ARHGEF10L: variants seen among roughly 807,000 people sequenced by gnomAD.
ARHGEF10L encodes Rho guanine nucleotide exchange factor 10 like, also known as rho guanine nucleotide exchange factor 10-like protein.
In ARHGEF10L, 69 loss-of-function variants were observed where a neutral mutation model predicts 141.2. The ratio of observed to expected loss-of-function variants is 0.49; its 90% CI spans 0.40 to 0.60. ARHGEF10L has a LOEUF of 0.60. Among genes scored for constraint, ARHGEF10L ranks in the 20% least tolerant of loss-of-function variants. The pLI is 0.00. For synonymous variants in ARHGEF10L, 711 were observed against 718.5 expected (o/e 0.99, Z 0.17); for missense variants, 1,482 against 1,734.3 (o/e 0.85, Z 2.58).
intron 21 of ARHGEF10L, among the ~76,000 whole-genome samples, chr1:17,643,561 T>C (rs1267527786): frequency 6.6e-6 from 1 of 152,148 alleles, no homozygotes; most frequent in African/African-American, 2.4e-5. Flanking sequence ...TAAGGGGTGG[T>C]CCTCAGCACC....
chr1:17,697,026 C>T lies in ARHGEF10L; in HGVS notation c.3486C>T (p.Gly1162=). Residue 1162 remains glycine, a synonymous_variant, in exon 29 of 29, where the codon GGC becomes GGT. Transcript: ENST00000361221. This position sits in a 1 kb window ranked among gnomAD's most constrained non-coding sequence, Gnocchi z 4.8. ...AGCCCATGCCCGATAGCCACGTGGG[C>T]CGAGAGCTGACCCGCAAGAAGGGCA... The part of the protein sequence containing the change: ...AHEPMPDSHV[G]RELTRKKGIL... 1 of 1,606,656 alleles carries T rather than the reference C, an allele frequency of 6.2e-7. No individual in the cohort carries two copies.
rs2061189551 is a variant in ARHGEF10L, at chr1:17,639,213, G to A, written c.2171+524G>A. ...TGGTCCTCCTGAGGCTTTGTAAGTTGGGTCTTTTTATTTCCATTTTACAGA... is the reference window on the plus strand; with the variant it reads ...TGGTCCTCCTGAGGCTTTGTAAGTTAGGTCTTTTTATTTCCATTTTACAGA... On this transcript the variant is annotated intron_variant, in intron 20 of 28. Transcript: ENST00000361221. This position sits in a 1 kb window ranked among gnomAD's most constrained non-coding sequence, Gnocchi z 4.3. Among the ~76,000 whole-genome samples the A allele has an allele frequency of 6.6e-6, 1 of 152,210 alleles. No homozygotes were observed. The highest frequency in any genetic ancestry group is 1.5e-5 in the Non-Finnish European group (1 of 68,036).
chr1:17,697,063 T>A lies in ARHGEF10L; in HGVS notation c.3523T>A (p.Tyr1175Asn), dbSNP rs1246674415. ...LTRKKGILLQ[Y>N]RLRSTAHLPG... ...CCGCAAGAAGGGCATCCTCTTGCAG[T>A]ACCGCCTGCGCTCCACCGCACACCT... The change falls in exon 29 of 29, where the codon TAC (tyrosine) becomes AAC (asparagine). Residue 1175 changes from tyrosine to asparagine, a missense_variant. Physicochemically the swap from Tyr to Asn is moderately radical, Grantham distance 143. Around this residue, in one of 3 missense-constraint regions of ARHGEF10L, gnomAD observed 858 missense variants for 966.3 expected, o/e 0.89. Transcript: ENST00000361221. The surrounding 1 kb of genome is among the most constrained non-coding windows in gnomAD (Gnocchi z 4.8). 6.2e-7 allele frequency: 1 copy of A among 1,604,460 alleles called. No homozygotes were observed. The highest frequency in any genetic ancestry group is 1.7e-5 in the Admixed American group (1 of 59,558).
At position 17,648,584 on chromosome 1, in the gene ARHGEF10L, C is replaced by T. The variant is rs769362964; in HGVS notation, c.2303C>T (p.Pro768Leu). 2.2e-5 allele frequency: 36 copies of T among 1,613,642 alleles called. No homozygotes were observed. Among genetic ancestry groups the T allele is most frequent in the Admixed American group, 8.3e-5 (5 of 60,004 alleles). The change falls in exon 22 of 29, where the codon CCG (proline) becomes CTG (leucine). Residue 768 changes from proline (P) to leucine (L), a missense_variant. Physicochemically the swap from Pro to Leu is moderately conservative, Grantham distance 98 (BLOSUM62 -3). This residue lies in a region of ARHGEF10L where 858 missense variants were observed against 966.3 expected (regional missense o/e 0.89). Coordinates refer to ENST00000361221, the MANE Select transcript of ARHGEF10L (RefSeq NM_018125.4). ...REENQPGWLC[P>L]DEDKKSKAPF... ...GAGAACCAGCCAGGCTGGCTATGCC[C>T]GGATGAGGACAAGAAGAGCAAAGCC...
At chr1:17,599,570 G>A (rs1237659121) in intron 4 of ARHGEF10L, among the ~76,000 whole-genome samples, 1 of 152,194 alleles carries the variant, frequency 6.6e-6, no homozygotes, top group Non-Finnish European at 1.5e-5. Flanking sequence ...GGATGTTTCT[G>A]TGTTGAGGAG....
rs963704863 is a variant in ARHGEF10L at position 17,656,034 on chromosome 1, G to T, written c.2637G>T (p.Glu879Asp). The change falls in exon 24 of 29, where the codon GAG becomes GAT. Residue 879 changes from glutamate (E) to aspartate (D), a missense_variant. Glu to Asp is a conservative substitution (Grantham distance 45). Coordinates refer to ENST00000361221, the MANE Select transcript of ARHGEF10L (RefSeq NM_018125.4). The surrounding 1 kb of genome is among the most constrained non-coding windows in gnomAD (Gnocchi z 4.9). ...AGGAGGAGGCGGAGAGCAGAGACGAGAGCCCGACAGTTGCTGACCCCTCGG... is the reference window on the plus strand; with the variant it reads ...AGGAGGAGGCGGAGAGCAGAGACGATAGCCCGACAGTTGCTGACCCCTCGG... Reference protein sequence around the residue: ...ELEEEAESRDESPTVADPSAT... With the variant: ...ELEEEAESRDDSPTVADPSAT... 2.5e-6 allele frequency: 4 copies of T among 1,571,100 alleles called. No individual in the cohort carries two copies. Among genetic ancestry groups the T allele is most frequent in the African/African-American group, 2.7e-5 (2 of 74,102 alleles).
Position 17,695,156 on chromosome 1 carries a change from A to G in ARHGEF10L, c.3185-2A>G. On this transcript the variant is annotated splice_acceptor_variant, in intron 27 of 28. Transcript: ENST00000361221. LOFTEE classifies it high-confidence loss of function. ...CTGCTCAGCCGCCCTCTCTTTCTGC[A>G]GGCCAGAAGCACTTGTGTGTCACCA... is the stretch of plus-strand genomic sequence containing the variant. 6.2e-7 allele frequency: 1 copy of G among 1,612,734 alleles called. No homozygotes were observed. The highest frequency in any genetic ancestry group is 8.5e-7 in the Non-Finnish European group (1 of 1,179,974).
chr1:17,639,929 G>A lies in ARHGEF10L; in HGVS notation c.2172-273G>A. 6 of 1,468,744 alleles carry A rather than the reference G, an allele frequency of 4.1e-6. No homozygotes were observed. The highest frequency in any genetic ancestry group is 5.4e-6 in the Non-Finnish European group (6 of 1,104,160). The allele number at this position is 1,468,744 out of a possible 1,614,324, so 91.0% of individuals were successfully genotyped here. A position where few individuals can be genotyped will look rare whatever the true frequency, so the allele number is the denominator to read the frequency against. Reference sequence around the variant, plus strand: ...CTGCAGAGGCTCTGCCGGGCACAAAGCCAGAGGCTCCTGGAGCCAGGCTGG... The same window carrying A: ...CTGCAGAGGCTCTGCCGGGCACAAAACCAGAGGCTCCTGGAGCCAGGCTGG... On this transcript the variant is annotated intron_variant, in intron 20 of 28. Transcript: ENST00000361221. This position sits in a 1 kb window ranked among gnomAD's most constrained non-coding sequence, Gnocchi z 4.3.
In ARHGEF10L at chr1:17,613,094, G is replaced by A. The variant is rs780508220; in HGVS notation, c.646G>A (p.Ala216Thr). 9.3e-6 allele frequency: 15 copies of A among 1,614,016 alleles called. No individual in the cohort carries two copies. Among genetic ancestry groups the A allele is most frequent in the South Asian group, 2.2e-5 (2 of 91,042 alleles). The change falls in exon 8 of 29, where the codon GCC becomes ACC. Residue 216 changes from alanine to threonine, a missense_variant. Ala to Thr is a moderately conservative substitution (Grantham distance 58, BLOSUM62 0). Around this residue, in one of 3 missense-constraint regions of ARHGEF10L, gnomAD observed 392 missense variants for 542.1 expected, o/e 0.72. Coordinates refer to ENST00000361221, the MANE Select transcript of ARHGEF10L (RefSeq NM_018125.4). The part of the protein sequence containing the change: ...PDLTRLKERY[A>T]RTKRDILALR... ...CCTGACTAGGCTAAAGGAGAGATACGCCAGGACTAAGAGAGACATCTTGGC... is the reference window on the plus strand; with the variant it reads ...CCTGACTAGGCTAAAGGAGAGATACACCAGGACTAAGAGAGACATCTTGGC...
intron 4 of ARHGEF10L, among the ~76,000 whole-genome samples, chr1:17,588,899 TA>T (rs760392764): frequency 7.5e-3 from 224 of 29,900 alleles, no homozygotes; most frequent in Admixed American, 0.012. Flanking sequence ...TGTGTGTGTG[TA>T]GTGGGGGAGG....
the ARHGEF10L span, among the ~76,000 whole-genome samples, chr1:17,532,681 G>A: frequency 2.0e-5 from 3 of 148,542 alleles, no homozygotes; most frequent in Non-Finnish European, 4.4e-5. Context: ...TGCAACCTCC[G>A]TCATCCAGGT....
At chr1:17,541,972 CAAA>C (rs1206660604) in intron 1 of ARHGEF10L, among the ~76,000 whole-genome samples, 1 of 150,788 alleles carries the variant, frequency 6.6e-6, no homozygotes, top group Non-Finnish European at 1.5e-5. Context: ...CATTTCAAAA[CAAA>C]AACGAAAACA....
At chr1:17,591,704 G>A (rs1486897256) in intron 4 of ARHGEF10L, among the ~76,000 whole-genome samples, 1 of 151,856 alleles carries the variant, frequency 6.6e-6, no homozygotes, top group Non-Finnish European at 1.5e-5. Flanking sequence ...GAGCCACCGC[G>A]CCTGGCCTAA....
Position 17,654,735 on chromosome 1 carries a change from C to A in ARHGEF10L, c.2481+13C>A, listed in dbSNP as rs756613290. 27 of 1,612,308 alleles carry A rather than the reference C, an allele frequency of 1.7e-5. No individual in the cohort carries two copies. The highest frequency in any genetic ancestry group is 2.3e-5 in the Non-Finnish European group (27 of 1,178,754). On this transcript the variant is annotated intron_variant, in intron 23 of 28. Coordinates refer to ENST00000361221, the MANE Select transcript of ARHGEF10L (RefSeq NM_018125.4). The surrounding 1 kb of genome is among the most constrained non-coding windows in gnomAD (Gnocchi z 4.3). The stretch of plus-strand genomic sequence containing the variant: ...GGGCTACCTCTGGGTGAGTCACCCC[C>A]CTGCCCAGCTGGGCATTCTGGCCTC...
At chr1:17,601,602 C>T (rs921403170) in intron 4 of ARHGEF10L, among the ~76,000 whole-genome samples, 5 of 152,126 alleles carry the variant, frequency 3.3e-5, no homozygotes, top group Admixed American at 1.3e-4. Flanking sequence ...TGCACCACCA[C>T]GCCTGGCTAA....
chr1:17,666,049 C>T (rs1351031336), intron 26 of ARHGEF10L, among the ~76,000 whole-genome samples: 3 of 152,174 alleles, frequency 2.0e-5, no homozygotes, highest in African/African-American at 7.2e-5. Flanking sequence ...CGAATTCTCC[C>T]CTCCCAGCCT....
intron 21 of ARHGEF10L, 36 bp from the exon 22 acceptor site, chr1:17,648,518 T>C (rs777848186): frequency 1.2e-6 from 2 of 1,609,972 alleles, no homozygotes; most frequent in Admixed American, 3.3e-5. Context: ...CCTTGGACTC[T>C]GACCAGCTCT....
intron 18 of ARHGEF10L, 92 bp from the exon 19 acceptor site, chr1:17,637,796 G>A (rs542202395): frequency 5.8e-6 from 7 of 1,216,388 alleles, no homozygotes; most frequent in Middle Eastern, 1.9e-4. Flanking sequence ...GAGCCACCGC[G>A]CCCAGCCTCT....
chr1:17,627,894 G>A lies in ARHGEF10L; in HGVS notation c.1584+391G>A, dbSNP rs955513882. 3.9e-5 allele frequency among the ~76,000 whole-genome samples: 6 copies of A among 152,146 alleles called. No homozygotes were observed. The highest frequency in any genetic ancestry group is 1.2e-4 in the African/African-American group (5 of 41,442). ...TCACTTGCTCCCTTTGAAATGAGGA[G>A]CATTTAATAGCACCGGAGCCCTAGG... is the stretch of plus-strand genomic sequence containing the variant. On this transcript the variant is annotated intron_variant, in intron 15 of 28. Coordinates refer to ENST00000361221, the MANE Select transcript of ARHGEF10L (RefSeq NM_018125.4). The surrounding 1 kb of genome is among the most constrained non-coding windows in gnomAD (Gnocchi z 4.0).
Sources: gnomAD v4.1 joint callset for allele counts (sites outside exome capture counted in the v4.1 genomes callset) on GRCh38, gnomAD v4.1.1 for gene constraint, gnomAD v4.1.1 regional missense constraint, Gnocchi (gnomAD v3.1) non-coding constraint, MANE v1.5 for transcripts, NCBI Gene and HGNC (gene_info 2026-07-23, HGNC 2026-07-21) for gene names.